Variants in PRUNE2 observed in about 807,000 individuals in gnomAD.
PRUNE2 encodes prune homolog 2 with BCH domain.
In PRUNE2, 164 loss-of-function variants were observed where a neutral mutation model predicts 252.0. The ratio of observed to expected loss-of-function variants is 0.65; its 90% CI spans 0.57 to 0.74. PRUNE2 has a LOEUF of 0.74. Ranked by LOEUF, PRUNE2 falls within the 30% of genes least tolerant of loss-of-function variation. PRUNE2 has a pLI of 0.00. For missense variants in PRUNE2, 3,495 were observed against 3,711.0 expected, an observed-to-expected ratio of 0.94 and a Z score of 1.51; for synonymous variants, 1,292 against 1,350.2, an observed-to-expected ratio of 0.96 and a Z score of 0.94.
intron 6 of PRUNE2, among the ~76,000 whole-genome samples, chr9:76,794,753 T>C (rs1255070319): frequency 6.6e-6 from 1 of 152,094 alleles, no homozygotes; most frequent in Non-Finnish European, 1.5e-5. Context: ...ACATACCTTC[T>C]CCAGGCCTCA....
At chr9:76,766,884 C>G (rs982196313) in intron 6 of PRUNE2, among the ~76,000 whole-genome samples, 2 of 152,210 alleles carry the variant, frequency 1.3e-5, no homozygotes, top group African/African-American at 4.8e-5. Context: ...AACTCATACA[C>G]AGGCATACAC....
chr9:76,788,412 A>G lies in PRUNE2; in HGVS notation c.756+35220T>C, dbSNP rs1398289547. 3 of 761,644 alleles carry G rather than the reference A, an allele frequency of 3.9e-6. No individual in the cohort carries two copies. The Admixed American group carries it at 5.3e-5, about 13-fold the overall frequency. The allele number at this position is 761,644 out of a possible 1,614,324, so 47.2% of individuals were successfully genotyped here. ...CAAACCACTACTTTCCTCTTTGTAA[A>G]CTTCTTAAGGTGCACTGTAGCACAG... On this transcript the variant is annotated intron_variant, in intron 6 of 18. Coordinates refer to ENST00000376718, the MANE Select transcript of PRUNE2 (RefSeq NM_015225.3).
chr9:76,743,967 G>A (rs1433836480), intron 6 of PRUNE2, among the ~76,000 whole-genome samples: 2 of 152,194 alleles, frequency 1.3e-5, no homozygotes, highest in African/African-American at 4.8e-5. Context: ...TGAGAGAATA[G>A]TAAAACAAAC....
chr9:76,636,590 C>T (rs751009608), intron 14 of PRUNE2, 33 bp from the exon 15 acceptor site: 1 of 1,113,586 alleles, frequency 9.0e-7, no homozygotes. Flanking sequence ...ATACATTACT[C>T]TTAACCCATT....
At chr9:76,869,164 T>C (rs1448917000) in intron 1 of PRUNE2, 2 of 152,218 alleles carry the variant, frequency 1.3e-5, no homozygotes, top group African/African-American at 4.8e-5. Flanking sequence ...CGAGTGTAAA[T>C]GTCTGCATTT....
At chr9:76,775,404 CT>C in intron 6 of PRUNE2, among the ~76,000 whole-genome samples, 1 of 152,120 alleles carries the variant, frequency 6.6e-6, no homozygotes, top group East Asian at 1.9e-4. Context: ...TCAAGCGATC[CT>C]CTCACCTTAG....
At chr9:76,743,589 C>A (rs2049844800) in intron 6 of PRUNE2, among the ~76,000 whole-genome samples, 1 of 151,876 alleles carries the variant, frequency 6.6e-6, no homozygotes, top group Non-Finnish European at 1.5e-5. Flanking sequence ...CAGTCATGTC[C>A]CAACCAATCA....
intron 1 of PRUNE2, 35 bp downstream of exon 1, chr9:76,905,893 G>A (rs376832270): frequency 6.2e-6 from 10 of 1,613,794 alleles, no homozygotes; most frequent in South Asian, 1.1e-5. Flanking sequence ...GCATACGCGC[G>A]CGCGCACACA....
At chr9:76,781,358 A>G (rs1371973755) in intron 6 of PRUNE2, among the ~76,000 whole-genome samples, 1 of 152,112 alleles carries the variant, frequency 6.6e-6, no homozygotes, top group Non-Finnish European at 1.5e-5. Context: ...TCCCTCCCCT[A>G]CACTCACTAT....
In PRUNE2 at chr9:76,733,885, AT is replaced by A. The variant is rs960988490; in HGVS notation, c.757-20165del. ...GCTACTGACTTTGTGATCCAAAAAG[AT>A]TTTTTTTTAAAGCAGTCTGTTCCTT... On this transcript the variant is annotated intron_variant, in intron 6 of 18. Coordinates refer to ENST00000376718, the MANE Select transcript of PRUNE2 (RefSeq NM_015225.3). 2.9e-3 allele frequency among the ~76,000 whole-genome samples: 439 copies of A among 150,178 alleles called. 1 individual carries two copies. The highest frequency in any genetic ancestry group is 9.0e-3 in the African/African-American group (370 of 40,932).
intron 16 of PRUNE2, among the ~76,000 whole-genome samples, chr9:76,628,422 A>T (rs1394456659): frequency 6.6e-6 from 1 of 152,212 alleles, no homozygotes; most frequent in Non-Finnish European, 1.5e-5. Flanking sequence ...ATGACAAACA[A>T]AAAAGGTTTA....
intron 4 of PRUNE2, among the ~76,000 whole-genome samples, chr9:76,839,704 G>A (rs2059274548): frequency 6.6e-6 from 1 of 152,180 alleles, no homozygotes; most frequent in African/African-American, 2.4e-5. Context: ...TAGGTTTTAT[G>A]GAGGAGATAG....
intron 11 of PRUNE2, chr9:76,645,273 G>C (rs1844348896): frequency 5.8e-6 from 1 of 173,098 alleles, no homozygotes. Flanking sequence ...CTTTCTAATG[G>C]GGTGAAAGGC....
intron 6 of PRUNE2, among the ~76,000 whole-genome samples, chr9:76,803,042 T>G (rs2056671125): frequency 6.6e-6 from 1 of 152,218 alleles, no homozygotes; most frequent in Admixed American, 6.5e-5. Context: ...CATTGTTCGC[T>G]CTTTCCCTCA....
intron 1 of PRUNE2, among the ~76,000 whole-genome samples, chr9:76,856,935 G>A (rs1464477606): frequency 1.3e-5 from 2 of 152,006 alleles, no homozygotes; most frequent in East Asian, 3.9e-4. Context: ...TGTATTTTTA[G>A]TAGAGACGGA....
rs932968287 is a variant in PRUNE2, at chr9:76,844,172, T to C, written c.508+2343A>G. Among the ~76,000 whole-genome samples, 3 of 152,348 alleles carry C rather than the reference T, an allele frequency of 2.0e-5. No homozygotes were observed. The South Asian group carries it at 6.2e-4, about 32-fold the overall frequency. On this transcript the variant is annotated intron_variant, in intron 4 of 18. Coordinates refer to ENST00000376718, the MANE Select transcript of PRUNE2 (RefSeq NM_015225.3). ...ATTTAACCATCCTTTAGTTCCGTGATATGGTTTGGATGTGTGTCCCCTCCA... is the reference window on the plus strand; with the variant it reads ...ATTTAACCATCCTTTAGTTCCGTGACATGGTTTGGATGTGTGTCCCCTCCA...
At chr9:76,891,684 A>G (rs993485404) in intron 1 of PRUNE2, among the ~76,000 whole-genome samples, 11 of 152,220 alleles carry the variant, frequency 7.2e-5, no homozygotes, top group Non-Finnish European at 1.5e-4. Flanking sequence ...TTTTATGTAG[A>G]TGAATCCAAA....
At chr9:76,816,050 T>C (rs1038496171) in intron 6 of PRUNE2, among the ~76,000 whole-genome samples, 1 of 151,218 alleles carries the variant, frequency 6.6e-6, no homozygotes, top group East Asian at 2.0e-4. Flanking sequence ...TAATCCCAGC[T>C]ACTCAGGAGG....
intron 9 of PRUNE2, among the ~76,000 whole-genome samples, chr9:76,683,888 AC>A (rs2043773866): frequency 2.0e-5 from 3 of 151,122 alleles, no homozygotes; most frequent in South Asian, 2.1e-4. Flanking sequence ...GTATTTGCAT[AC>A]CCCATGAATA....
Sources: allele counts gnomAD v4.1 joint callset (sites outside exome capture counted in the v4.1 genomes callset), GRCh38; gene constraint gnomAD v4.1.1; transcripts MANE v1.5; gene names NCBI Gene and HGNC (gene_info 2026-07-23, HGNC 2026-07-21).